Variants in AZIN2 observed in about 807,000 individuals in gnomAD.
AZIN2 encodes antizyme inhibitor 2, also known as ODC antizyme inhibitor-2.
In AZIN2, 28 loss-of-function variants were observed where a neutral mutation model predicts 47.8. The observed-to-expected ratio is 0.59, with a 90% CI of 0.43 to 0.80. The LOEUF (loss-of-function observed/expected upper bound fraction) is 0.80. AZIN2 is among the 30% of genes least tolerant of loss of function. The pLI is 0.00. For synonymous variants in AZIN2, 221 were observed against 239.4 expected, an observed-to-expected ratio of 0.92 and a Z score of 0.71; for missense variants, 535 against 582.5, an observed-to-expected ratio of 0.92 and a Z score of 0.84.
chr1:33,093,071 C>T (rs756839406), intron 6 of AZIN2, among the ~76,000 whole-genome samples: 18 of 152,072 alleles, frequency 1.2e-4, no homozygotes, highest in Non-Finnish European at 1.2e-4. Context: ...TGGACCAGGG[C>T]GCAGGGGCTG....
chr1:33,100,047 C>T lies in AZIN2; in HGVS notation c.1029+1868C>T, dbSNP rs147667444. Reference sequence around the variant, plus strand: ...GTATAAAAAGTTGTATGAGGCCAGGCGTGGTGGCTCAAGCCTGTAATCTCA... The same window carrying T: ...GTATAAAAAGTTGTATGAGGCCAGGTGTGGTGGCTCAAGCCTGTAATCTCA... On this transcript the variant is annotated intron_variant, in intron 10 of 11. Coordinates refer to ENST00000294517, the MANE Select transcript of AZIN2 (RefSeq NM_052998.4). Among the ~76,000 whole-genome samples the T allele has an allele frequency of 7.6e-4, 115 of 152,236 alleles. 3 individuals are homozygous for T. In the East Asian group the frequency reaches 0.018, roughly 23 times the overall value.
chr1:33,126,217 A>T (rs1369457746), downstream of AZIN2, among the ~76,000 whole-genome samples: 5 of 152,158 alleles, frequency 3.3e-5, no homozygotes, highest in Non-Finnish European at 5.9e-5. Context: ...AAATTACTGA[A>T]TGAAGGAATG....
intron 6 of AZIN2, 54 bp from the exon 7 acceptor site, chr1:33,093,228 C>A: frequency 6.2e-7 from 1 of 1,604,366 alleles, no homozygotes; most frequent in South Asian, 1.1e-5. Context: ...AGAGATGTGG[C>A]TGGGGTGGGG....
chr1:33,113,669 T>C lies in AZIN2; in HGVS notation c.1030-4233T>C, dbSNP rs1334988067. Among the ~76,000 whole-genome samples, 1 of 152,264 alleles carries C rather than the reference T, an allele frequency of 6.6e-6. No individual in the cohort carries two copies. The highest frequency in any genetic ancestry group is 2.4e-5 in the African/African-American group (1 of 41,468). ...TCTGCCATAGACCAGCTGAGTAACC[T>C]TAGGCAAAGCAAGCTACTTAATCTC... On this transcript the variant is annotated intron_variant, in intron 10 of 11. Transcript: ENST00000294517. The surrounding 1 kb of genome is among the most constrained non-coding windows in gnomAD (Gnocchi z 4.1).
downstream of AZIN2, among the ~76,000 whole-genome samples, chr1:33,125,279 C>T (rs969319417): frequency 2.0e-5 from 3 of 152,204 alleles, no homozygotes; most frequent in Non-Finnish European, 4.4e-5. Flanking sequence ...TTTAGGTAAA[C>T]AGCTAAGCCT....
the AZIN2 span, among the ~76,000 whole-genome samples, chr1:33,144,900 G>A: frequency 1.3e-5 from 2 of 152,188 alleles, no homozygotes; most frequent in African/African-American, 4.8e-5. Context: ...GCAGCTGGGG[G>A]GATAGGGTAG....
intron 4 of AZIN2, 90 bp from the exon 5 acceptor site, chr1:33,083,863 AC>A: frequency 3.3e-6 from 5 of 1,511,330 alleles, no homozygotes; most frequent in Non-Finnish European, 3.6e-6. Context: ...CCAGTACTGA[AC>A]CTGGGTCAGG....
the AZIN2 span, among the ~76,000 whole-genome samples, chr1:33,132,747 G>A: frequency 6.6e-6 from 1 of 152,164 alleles, no homozygotes. Context: ...CTGGCACATG[G>A]CACGCACTTG....
chr1:33,138,610 T>TCAACAA, the AZIN2 span, among the ~76,000 whole-genome samples: 1 of 127,138 alleles, frequency 7.9e-6, no homozygotes, highest in African/African-American at 3.1e-5. Context: ...AGATCCTGTC[T>TCAACAA]CAACAACAAC....
downstream of AZIN2, among the ~76,000 whole-genome samples, chr1:33,128,401 T>C (rs1018411028): frequency 3.3e-5 from 5 of 152,016 alleles, no homozygotes; most frequent in African/African-American, 1.2e-4. Context: ...ATTTAACGTA[T>C]TTAAAGCACT....
Position 33,118,134 on chromosome 1 carries a change from GA to G in AZIN2, c.1244+22del. The G allele has an allele frequency of 2.0e-6, 3 of 1,506,392 alleles. No homozygotes were observed. Among genetic ancestry groups the G allele is most frequent in the South Asian group, 1.4e-5 (1 of 73,978 alleles). 93.3% of individuals were successfully genotyped at this position (1,506,392 alleles called of 1,614,324 possible). A position where few individuals can be genotyped will look rare whatever the true frequency, so the allele number is the denominator to read the frequency against. Reference sequence around the variant, plus strand: ...GTGGCCTGGTAAGAGGGCCCTGCTGGAAAATGGGGGTATGGGGAGGAACTGG... The same window carrying G: ...GTGGCCTGGTAAGAGGGCCCTGCTGGAAATGGGGGTATGGGGAGGAACTGG... On this transcript the variant is annotated intron_variant, in intron 11 of 11. Coordinates refer to ENST00000294517, the MANE Select transcript of AZIN2 (RefSeq NM_052998.4).
chr1:33,160,355 TGAAG>T, the AZIN2 span, among the ~76,000 whole-genome samples: 1 of 151,960 alleles, frequency 6.6e-6, no homozygotes, highest in Non-Finnish European at 1.5e-5. Flanking sequence ...GGGGACAGGG[TGAAG>T]ATGTTCTCTC....
In AZIN2 at chr1:33,092,109, C is replaced by A. The variant is rs749935454; in HGVS notation, c.339C>A (p.Asn113Lys). The A allele has an allele frequency of 1.2e-6, 2 of 1,614,182 alleles. No individual in the cohort carries two copies. The highest frequency in any genetic ancestry group is 4.5e-5 in the East Asian group (2 of 44,882). The change falls in exon 6 of 12, where the codon AAC becomes AAA. Residue 113 changes from asparagine (N) to lysine (K), a missense_variant. Physicochemically the swap from Asn to Lys is moderately conservative, Grantham distance 94 (BLOSUM62 0). This residue lies in a region of AZIN2 where 409 missense variants were observed against 429.0 expected (regional missense o/e 0.95). Transcript: ENST00000294517. ...GIPASKIICA[N>K]PCKQIAQIKY... The stretch of plus-strand genomic sequence containing the variant: ...CTGCCAGTAAGATCATCTGCGCCAA[C>A]CCCTGTAAGCAAATTGCACAGATCA...
rs1641228468 is a variant in AZIN2 at position 33,081,365 on chromosome 1, C to G, written c.-405-23C>G. 1 of 153,112 alleles carries G rather than the reference C, an allele frequency of 6.5e-6. No individual in the cohort carries two copies. Among genetic ancestry groups the G allele is most frequent in the South Asian group, 2.1e-4 (1 of 4,840 alleles). 9.5% of individuals were successfully genotyped at this position (153,112 alleles called of 1,614,324 possible). A position where few individuals can be genotyped will look rare whatever the true frequency, so the allele number is the denominator to read the frequency against. On this transcript the variant is annotated intron_variant, in intron 1 of 11. Coordinates refer to ENST00000294517, the MANE Select transcript of AZIN2 (RefSeq NM_052998.4). The surrounding 1 kb of genome is among the most constrained non-coding windows in gnomAD (Gnocchi z 4.2). ...TCCGCCCTGGTGCTGACCTGCCTCC[C>G]TGCCCCTTCTGCCTCCTGTCAGCAG...
Position 33,082,168 on chromosome 1 carries a change from C to G in AZIN2, c.-72-10C>G, listed in dbSNP as rs918593334. 2 of 1,192,962 alleles carry G rather than the reference C, an allele frequency of 1.7e-6. No homozygotes were observed. Among genetic ancestry groups the G allele is most frequent in the African/African-American group, 3.0e-5 (2 of 66,140 alleles). The allele number at this position is 1,192,962 out of a possible 1,614,324, so 73.9% of individuals were successfully genotyped here. A position where few individuals can be genotyped will look rare whatever the true frequency, so the allele number is the denominator to read the frequency against. ...CCCAGCGGTTCCCTTCATCTCCCCT[C>G]GCCCCGCAGTGTGTTGCATACTTTC... On this transcript the variant is annotated splice_polypyrimidine_tract_variant and intron_variant, in intron 3 of 11. Coordinates refer to ENST00000294517, the MANE Select transcript of AZIN2 (RefSeq NM_052998.4).
chr1:33,129,377 G>C, the AZIN2 span, among the ~76,000 whole-genome samples: 1 of 152,182 alleles, frequency 6.6e-6, no homozygotes, highest in Non-Finnish European at 1.5e-5. This position sits in a 1 kb window ranked among gnomAD's most constrained non-coding sequence, Gnocchi z 4.1. Flanking sequence ...AGCAACTGCA[G>C]ACCTTAAGCC....
Position 33,082,203 on chromosome 1 carries a change from G to A in AZIN2, c.-47G>A, listed in dbSNP as rs749682048. The A allele has an allele frequency of 6.6e-7, 1 of 1,518,114 alleles. No individual in the cohort carries two copies. 94.0% of individuals were successfully genotyped at this position (1,518,114 alleles called of 1,614,324 possible). A position where few individuals can be genotyped will look rare whatever the true frequency, so the allele number is the denominator to read the frequency against. ...TGTGTTGCATACTTTCTAAGGCGGC[G>A]GCTGCAGCAGCGGCTCCATCCAGCC... On this transcript the variant is annotated 5_prime_UTR_variant, in exon 4 of 12. Coordinates refer to ENST00000294517, the MANE Select transcript of AZIN2 (RefSeq NM_052998.4).
chr1:33,144,430 G>A, the AZIN2 span, among the ~76,000 whole-genome samples: 2 of 152,186 alleles, frequency 1.3e-5, no homozygotes, highest in African/African-American at 2.4e-5. Flanking sequence ...GAGCCACTGC[G>A]CCCGGTGGCT....
chr1:33,113,709 C>G lies in AZIN2; in HGVS notation c.1030-4193C>G, dbSNP rs1461980204. On this transcript the variant is annotated intron_variant, in intron 10 of 11. Transcript: ENST00000294517. This position sits in a 1 kb window ranked among gnomAD's most constrained non-coding sequence, Gnocchi z 4.1. ...TACTTAATCTCTCTGAGCCTTGTTT[C>G]TCTAGTTTCTCCATTTGGAAAATGA... Among the ~76,000 whole-genome samples, 1 of 152,192 alleles carries G rather than the reference C, an allele frequency of 6.6e-6. No homozygotes were observed. Among genetic ancestry groups the G allele is most frequent in the Non-Finnish European group, 1.5e-5 (1 of 68,032 alleles).
Sources: allele counts gnomAD v4.1 joint callset (sites outside exome capture counted in the v4.1 genomes callset), GRCh38; gene constraint gnomAD v4.1.1; regional missense constraint gnomAD v4.1.1; non-coding constraint Gnocchi (gnomAD v3.1); transcripts MANE v1.5; gene names NCBI Gene and HGNC (gene_info 2026-07-23, HGNC 2026-07-21).